The following RIMKLA variants were observed in gnomAD, a reference collection of about 807,000 sequenced individuals.
The protein encoded by RIMKLA is ribosomal modification protein rimK like family member A, also known as N-acetylaspartylglutamate synthase A.
Under a neutral mutation model 32.7 loss-of-function variants are expected in RIMKLA, and 14 were observed. The observed-to-expected ratio is 0.43, with a 90% confidence interval of 0.28 to 0.67. The LOEUF is 0.67. Ranked by LOEUF, RIMKLA falls within the 30% of genes least tolerant of loss-of-function variation. RIMKLA has a pLI of 0.18. For missense variants in RIMKLA, 410 were observed against 519.0 expected (o/e 0.79, Z 2.04); for synonymous variants, 176 against 204.1 (o/e 0.86, Z 1.18).
At chr1:42,382,715 C>T (rs189087329) in intron 1 of RIMKLA, among the ~76,000 whole-genome samples, 5 of 152,278 alleles carry the variant, frequency 3.3e-5, no homozygotes, top group African/African-American at 1.2e-4. Context: ...TCTAAAACCT[C>T]ATTTTAAAGA....
chr1:42,395,221 A>G (rs908834992), intron 1 of RIMKLA, among the ~76,000 whole-genome samples: 5 of 152,242 alleles, frequency 3.3e-5, no homozygotes, highest in Admixed American at 2.6e-4. Flanking sequence ...TTTTTAGAAC[A>G]TAGAGAAAAT....
At position 42,418,369 on chromosome 1, in the gene RIMKLA, A is replaced by G. The variant is rs1188341500; in HGVS notation, c.*3395A>G. 1.3e-5 allele frequency: 2 copies of G among 152,230 alleles called. No homozygotes were observed. Among genetic ancestry groups the G allele is most frequent in the East Asian group, 3.8e-4 (2 of 5,196 alleles). The allele number at this position is 152,230 out of a possible 1,614,324, so 9.4% of individuals were successfully genotyped here. A position where few individuals can be genotyped will look rare whatever the true frequency, so the allele number is the denominator to read the frequency against. On this transcript the variant is annotated 3_prime_UTR_variant, in exon 5 of 5. Transcript: ENST00000431473. ...TTAGGTCTTTCGGATCTCAGAAACA[A>G]TATAAGTAGATCATAAGCCACTAGT...
intron 2 of RIMKLA, among the ~76,000 whole-genome samples, chr1:42,403,158 A>G (rs544255346): frequency 6.6e-6 from 1 of 151,762 alleles, no homozygotes; most frequent in Non-Finnish European, 1.5e-5. Flanking sequence ...TACTTAATGA[A>G]TGGGAAAGCC....
intron 2 of RIMKLA, among the ~76,000 whole-genome samples, chr1:42,401,168 T>C (rs1207334459): frequency 6.6e-5 from 10 of 152,030 alleles, no homozygotes; most frequent in Non-Finnish European, 1.5e-4. Context: ...CAGTTCATAA[T>C]AGGGTTAGAG....
chr1:42,413,421 T>C (rs1643217315), intron 4 of RIMKLA, among the ~76,000 whole-genome samples: 1 of 150,302 alleles, frequency 6.7e-6, no homozygotes, highest in African/African-American at 2.5e-5. Flanking sequence ...GGAGAATTGC[T>C]TGAATCCAGG....
chr1:42,407,281 G>A (rs1643155562), intron 3 of RIMKLA, among the ~76,000 whole-genome samples: 1 of 152,194 alleles, frequency 6.6e-6, no homozygotes, highest in Non-Finnish European at 1.5e-5. Flanking sequence ...CCCATAGGTT[G>A]TCTTTTCATT....
chr1:42,413,159 A>G (rs553964384), intron 4 of RIMKLA, among the ~76,000 whole-genome samples: 1 of 152,012 alleles, frequency 6.6e-6, no homozygotes, highest in Non-Finnish European at 1.5e-5. Flanking sequence ...TAAATAAGTT[A>G]ATTTTATTTG....
rs1643273765 is a variant in RIMKLA, at chr1:42,418,966, G to A, written c.*3992G>A. ...AAGCCTGTTTGCCATTAGTCTGAGT[G>A]GATGTCTTGGGAAGGCCCCTGAAAA... On this transcript the variant is annotated 3_prime_UTR_variant, in exon 5 of 5. Coordinates refer to ENST00000431473, the MANE Select transcript of RIMKLA (RefSeq NM_173642.4). 1 of 152,170 alleles carries A rather than the reference G, an allele frequency of 6.6e-6. No individual in the cohort carries two copies. The highest frequency in any genetic ancestry group is 2.1e-4 in the South Asian group (1 of 4,828). 9.4% of individuals were successfully genotyped at this position (152,170 alleles called of 1,614,324 possible).
chr1:42,407,691 T>C (rs1253056817), intron 3 of RIMKLA, among the ~76,000 whole-genome samples: 1 of 152,240 alleles, frequency 6.6e-6, no homozygotes, highest in Non-Finnish European at 1.5e-5. Context: ...TAGTTCTATA[T>C]GCCAAGCCAC....
chr1:42,413,768 T>C (rs566004897), intron 4 of RIMKLA, among the ~76,000 whole-genome samples: 7 of 151,112 alleles, frequency 4.6e-5, no homozygotes, highest in Non-Finnish European at 1.0e-4. Flanking sequence ...GGTTTTACTC[T>C]GTCATACAGG....
chr1:42,386,856 C>T (rs1388522945), intron 1 of RIMKLA, among the ~76,000 whole-genome samples: 1 of 147,118 alleles, frequency 6.8e-6, no homozygotes, highest in East Asian at 2.0e-4. Flanking sequence ...CTGCCCTCTA[C>T]CCTGGGCGAC....
intron 2 of RIMKLA, among the ~76,000 whole-genome samples, chr1:42,401,295 C>T (rs1385056368): frequency 6.6e-6 from 1 of 152,102 alleles, no homozygotes; most frequent in African/African-American, 2.4e-5. Flanking sequence ...CAGGCCACAG[C>T]CTGTTATTAG....
intron 1 of RIMKLA, among the ~76,000 whole-genome samples, chr1:42,394,351 T>C (rs1395226314): frequency 6.6e-6 from 1 of 152,254 alleles, no homozygotes; most frequent in Non-Finnish European, 1.5e-5. Flanking sequence ...TGCACACATA[T>C]GTGAGTGACA....
At chr1:42,390,214 T>C (rs923222436) in intron 1 of RIMKLA, among the ~76,000 whole-genome samples, 1 of 152,060 alleles carries the variant, frequency 6.6e-6, no homozygotes, top group Non-Finnish European at 1.5e-5. Context: ...TTTTCTGTAT[T>C]TCTAGTAGAG....
In RIMKLA at chr1:42,408,256, T is replaced by C. The variant is rs1182535225; in HGVS notation, c.482-1728T>C. ...TTGACACCCACTTACCTGCACACTCTCCTGTCACCTGCCATGTGGACATCT... is the reference window on the plus strand; with the variant it reads ...TTGACACCCACTTACCTGCACACTCCCCTGTCACCTGCCATGTGGACATCT... On this transcript the variant is annotated intron_variant, in intron 3 of 4. Transcript: ENST00000431473. 3.5e-4 allele frequency among the ~76,000 whole-genome samples: 53 copies of C among 152,114 alleles called. 1 individual carries two copies. The highest frequency in any genetic ancestry group is 3.5e-3 in the Admixed American group (53 of 15,266).
At chr1:42,391,994 GT>G (rs1421223757) in intron 1 of RIMKLA, among the ~76,000 whole-genome samples, 1 of 152,150 alleles carries the variant, frequency 6.6e-6, no homozygotes, top group East Asian at 1.9e-4. Flanking sequence ...TTCATCTCAT[GT>G]TGTTTCAACT....
At chr1:42,398,151 C>T (rs1032169340) in intron 1 of RIMKLA, among the ~76,000 whole-genome samples, 18 of 152,172 alleles carry the variant, frequency 1.2e-4, no homozygotes, top group African/African-American at 4.1e-4. Flanking sequence ...GCTGAGGATA[C>T]ATCAGTGAAC....
rs1159048904 is a variant in RIMKLA at position 42,380,815 on chromosome 1, G to A, written c.-120G>A. ...CTGCAGAGACGCCTGGCGCACCCGC[G>A]GGAGCGGAGCCGTGGCGCGCTCGCC... On this transcript the variant is annotated 5_prime_UTR_variant, in exon 1 of 5. Coordinates refer to ENST00000431473, the MANE Select transcript of RIMKLA (RefSeq NM_173642.4). The A allele has an allele frequency of 1.5e-5, 7 of 454,384 alleles. No individual in the cohort carries two copies. Among genetic ancestry groups the A allele is most frequent in the Admixed American group, 1.1e-4 (2 of 17,432 alleles). 28.1% of individuals were successfully genotyped at this position (454,384 alleles called of 1,614,324 possible). A position where few individuals can be genotyped will look rare whatever the true frequency, so the allele number is the denominator to read the frequency against.
chr1:42,396,271 A>T (rs181331717), intron 1 of RIMKLA, among the ~76,000 whole-genome samples: 3 of 146,038 alleles, frequency 2.1e-5, no homozygotes, highest in Admixed American at 6.8e-5. Context: ...AGAATGTCAG[A>T]GCTGTGTCAA....
Sources: allele counts gnomAD v4.1 joint callset (sites outside exome capture counted in the v4.1 genomes callset), GRCh38; gene constraint gnomAD v4.1.1; transcripts MANE v1.5; gene names NCBI Gene and HGNC (gene_info 2026-07-23, HGNC 2026-07-21).